Variants in FBXL7 observed in about 807,000 individuals in gnomAD.
The protein encoded by FBXL7 is F-box/LRR-repeat protein 7.
In FBXL7, 12 loss-of-function variants were observed where a neutral mutation model predicts 38.3. The observed-to-expected ratio is 0.31, with a 90% CI of 0.20 to 0.51. The LOEUF is 0.51. Ranked by LOEUF, FBXL7 falls within the 20% of genes least tolerant of loss-of-function variation. The pLI, the probability that FBXL7 is intolerant of heterozygous loss-of-function variation, is 0.98. For synonymous variants in FBXL7, 297 were observed against 300.9 expected, an observed-to-expected ratio of 0.99 and a Z score of 0.13; for missense variants, 567 against 676.4, an observed-to-expected ratio of 0.84 and a Z score of 1.79.
At chr5:15,607,922 A>G (rs1402020584) in intron 1 of FBXL7, among the ~76,000 whole-genome samples, 1 of 152,228 alleles carries the variant, frequency 6.6e-6, no homozygotes, top group Non-Finnish European at 1.5e-5. Flanking sequence ...GAAATTAAAG[A>G]AGGCACAAAA....
chr5:15,825,748 A>G (rs1284775754), intron 2 of FBXL7, among the ~76,000 whole-genome samples: 4 of 152,214 alleles, frequency 2.6e-5, no homozygotes, highest in Non-Finnish European at 5.9e-5. Flanking sequence ...TGGTTTTTCT[A>G]AATTGCCAAA....
At chr5:15,927,186 A>C (rs987716891) in intron 2 of FBXL7, among the ~76,000 whole-genome samples, 2 of 152,142 alleles carry the variant, frequency 1.3e-5, no homozygotes, top group South Asian at 4.1e-4. Context: ...TTATTAAAAC[A>C]GCCACGCTCC....
chr5:15,902,245 G>A (rs1741249951), intron 2 of FBXL7, among the ~76,000 whole-genome samples: 2 of 152,188 alleles, frequency 1.3e-5, no homozygotes, highest in South Asian at 4.1e-4. Context: ...CAGCTACGGA[G>A]TTATTAGTTT....
intron 2 of FBXL7, among the ~76,000 whole-genome samples, chr5:15,801,634 AGTGTGTGTGT>A (rs71605509): frequency 0.01 from 1,540 of 147,780 alleles, 15 homozygotes; most frequent in Non-Finnish European, 0.017. Flanking sequence ...AGGGGGAGTC[AGTGTGTGTGT>A]GTGTGTGTGT....
intron 1 of FBXL7, among the ~76,000 whole-genome samples, chr5:15,513,238 T>C (rs982391224): frequency 1.3e-5 from 2 of 152,144 alleles, no homozygotes; most frequent in Admixed American, 1.3e-4. Flanking sequence ...TTCCTAGAAA[T>C]TGAGCAAACT....
In FBXL7 at chr5:15,927,779, A is replaced by AG. The variant is rs1419172514; in HGVS notation, c.128-111_128-110insG. The AG allele has an allele frequency of 4.1e-5, 33 of 804,986 alleles. 2 individuals carry two copies. The African/African-American group carries it at 6.0e-4, about 15-fold the overall frequency. The allele number at this position is 804,986 out of a possible 1,614,324, so 49.9% of individuals were successfully genotyped here. ...GACAAGATCTTAAAAAAAAAAAAAA[A>AG]AAAAAAAAGAAGAAGAAAGAAAAGA... On this transcript the variant is annotated intron_variant, in intron 2 of 3. Transcript: ENST00000504595.
At chr5:15,892,158 G>A (rs928870692) in intron 2 of FBXL7, among the ~76,000 whole-genome samples, 2 of 152,218 alleles carry the variant, frequency 1.3e-5, no homozygotes, top group Admixed American at 6.5e-5. Context: ...GGGAACAAAC[G>A]GAGTGAGCCC....
At chr5:15,597,971 A>G (rs965028452) in intron 1 of FBXL7, among the ~76,000 whole-genome samples, 4 of 152,220 alleles carry the variant, frequency 2.6e-5, no homozygotes, top group East Asian at 1.9e-4. Flanking sequence ...TGCTTAATGT[A>G]TCTCCTTTTA....
At chr5:15,879,229 GC>G (rs1740341291) in intron 2 of FBXL7, among the ~76,000 whole-genome samples, 1 of 152,272 alleles carries the variant, frequency 6.6e-6, no homozygotes, top group East Asian at 1.9e-4. Flanking sequence ...ATTTATAACG[GC>G]CAGAAGAAAT....
At chr5:15,780,096 C>T (rs1736954133) in intron 2 of FBXL7, among the ~76,000 whole-genome samples, 7 of 152,132 alleles carry the variant, frequency 4.6e-5, no homozygotes, top group Admixed American at 4.6e-4. Flanking sequence ...AAGTCTGAGT[C>T]TACAAAGGGA....
Position 15,906,299 on chromosome 5 carries a change from A to C in FBXL7, c.128-21591A>C, listed in dbSNP as rs546152884. 7.7e-3 allele frequency among the ~76,000 whole-genome samples: 1,171 copies of C among 152,234 alleles called. 22 individuals carry two copies. Among genetic ancestry groups the C allele is most frequent in the African/African-American group, 0.027 (1,107 of 41,540 alleles). ...TAAATGCCATTAAGAAATACAGCCT[A>C]TAAATATAAACTTCTAAGTATCTTT... On this transcript the variant is annotated intron_variant, in intron 2 of 3. Transcript: ENST00000504595.
Position 15,928,488 on chromosome 5 carries a change from C to A in FBXL7, c.726C>A (p.His242Gln), listed in dbSNP as rs1260053533. 3 of 1,610,836 alleles carry A rather than the reference C, an allele frequency of 1.9e-6. No homozygotes were observed. Among genetic ancestry groups the A allele is most frequent in the Non-Finnish European group, 2.5e-6 (3 of 1,177,588 alleles). ...DVVSLCPNLE[H>Q]LDVSGCSKVT... ...TGTCCCTCTGCCCTAATCTGGAGCA[C>A]CTGGATGTGTCAGGTAAATGGACAC... The change falls in exon 3 of 4, where the codon CAC becomes CAA. Residue 242 changes from histidine (H) to glutamine (Q), a missense_variant. Physicochemically the swap from His to Gln is conservative, Grantham distance 24. Transcript: ENST00000504595. This position sits in a 1 kb window ranked among gnomAD's most constrained non-coding sequence, Gnocchi z 4.0.
chr5:15,738,739 C>T (rs1735821305), intron 2 of FBXL7, among the ~76,000 whole-genome samples: 2 of 152,344 alleles, frequency 1.3e-5, no homozygotes, highest in African/African-American at 4.8e-5. Context: ...CCTTATGTTG[C>T]ACCTTTGCAT....
rs541843503 is a variant in FBXL7 at position 15,904,511 on chromosome 5, G to A, written c.128-23379G>A. ...TTTTATTTTGGTCTTTACACAATTC[G>A]AATCATAAGGAGAAAAACTGTTTCA... On this transcript the variant is annotated intron_variant, in intron 2 of 3. Coordinates refer to ENST00000504595, the MANE Select transcript of FBXL7 (RefSeq NM_012304.5). 7.2e-5 allele frequency among the ~76,000 whole-genome samples: 11 copies of A among 152,162 alleles called. No individual in the cohort carries two copies. The South Asian group carries it at 1.4e-3, about 20-fold the overall frequency.
At chr5:15,581,994 G>C (rs1384297982) in intron 1 of FBXL7, among the ~76,000 whole-genome samples, 1 of 152,144 alleles carries the variant, frequency 6.6e-6, no homozygotes, top group Non-Finnish European at 1.5e-5. Context: ...CTGGAGTGCA[G>C]TGGCATGATC....
At chr5:15,501,005 C>A (rs1158474007) in intron 1 of FBXL7, among the ~76,000 whole-genome samples, 2 of 152,172 alleles carry the variant, frequency 1.3e-5, no homozygotes, top group Non-Finnish European at 2.9e-5. Context: ...AACCTTCCTT[C>A]CCTGGGCATC....
At chr5:15,646,059 T>A (rs1183846104) in intron 2 of FBXL7, among the ~76,000 whole-genome samples, 1 of 152,228 alleles carries the variant, frequency 6.6e-6, no homozygotes, top group Non-Finnish European at 1.5e-5. Flanking sequence ...CCCACCAACA[T>A]GGTTAAGCCA....
chr5:15,589,542 CTT>C (rs1156840458), intron 1 of FBXL7, among the ~76,000 whole-genome samples: 1 of 152,160 alleles, frequency 6.6e-6, no homozygotes, highest in Non-Finnish European at 1.5e-5. Context: ...CACTAAACCT[CTT>C]TTCTTTATAA....
chr5:15,684,058 A>G (rs539394808), intron 2 of FBXL7, among the ~76,000 whole-genome samples: 6 of 152,316 alleles, frequency 3.9e-5, no homozygotes, highest in Non-Finnish European at 8.8e-5. Context: ...AAATTTCAAT[A>G]TGGTTTAAAT....
Sources: allele counts gnomAD v4.1 joint callset (sites outside exome capture counted in the v4.1 genomes callset), GRCh38; gene constraint gnomAD v4.1.1; non-coding constraint Gnocchi (gnomAD v3.1); transcripts MANE v1.5; gene names NCBI Gene and HGNC (gene_info 2026-07-23, HGNC 2026-07-21).